Variants in IPMK observed in about 807,000 individuals in gnomAD.
IPMK encodes the protein inositol 1,3,4,6-tetrakisphosphate 5-kinase.
Under a neutral mutation model 45.8 loss-of-function variants are expected in IPMK, and 17 were observed. The observed-to-expected ratio is 0.37, with a 90% confidence interval of 0.25 to 0.56. The LOEUF is 0.56. IPMK is among the 20% of genes least tolerant of loss of function. IPMK has a pLI of 0.79. For missense variants in IPMK, 399 were observed against 498.0 expected, an observed-to-expected ratio of 0.80 and a Z score of 1.89; for synonymous variants, 180 against 184.3, an observed-to-expected ratio of 0.98 and a Z score of 0.19.
At chr10:58,248,078 T>A (rs991994110) in intron 1 of IPMK, among the ~76,000 whole-genome samples, 1 of 151,944 alleles carries the variant, frequency 6.6e-6, no homozygotes, top group Non-Finnish European at 1.5e-5. Context: ...TTGTGAAAAA[T>A]CGGGGAAAAG....
In IPMK at chr10:58,193,337, A is replaced by G. The variant is rs551043040; in HGVS notation, c.*2739T>C. 1 of 152,036 alleles carries G rather than the reference A, an allele frequency of 6.6e-6. No individual in the cohort carries two copies. Among genetic ancestry groups the G allele is most frequent in the South Asian group, 2.1e-4 (1 of 4,824 alleles). The allele number at this position is 152,036 out of a possible 1,614,324, so 9.4% of individuals were successfully genotyped here. ...CATAAGAGCAAACTGTAGTGTAAAGAGGAAAAGTAAGTACAATCTTTCCAG... is the reference window on the plus strand; with the variant it reads ...CATAAGAGCAAACTGTAGTGTAAAGGGGAAAAGTAAGTACAATCTTTCCAG... On this transcript the variant is annotated 3_prime_UTR_variant, in exon 6 of 6. Transcript: ENST00000373935.
intron 1 of IPMK, among the ~76,000 whole-genome samples, chr10:58,266,785 T>C (rs1839153992): frequency 6.6e-6 from 1 of 152,212 alleles, no homozygotes; most frequent in African/African-American, 2.4e-5. Flanking sequence ...TGTATCATTC[T>C]GGTACAATAT....
intron 1 of IPMK, among the ~76,000 whole-genome samples, chr10:58,254,764 T>C (rs1209873428): frequency 2.0e-5 from 3 of 152,254 alleles, no homozygotes; most frequent in Non-Finnish European, 4.4e-5. Context: ...GGATGACTTA[T>C]AGTAAGTACT....
rs1265770954 is a variant in IPMK at position 58,194,447 on chromosome 10, C to G, written c.*1629G>C. The G allele has an allele frequency of 6.6e-6, 1 of 151,674 alleles. No individual in the cohort carries two copies. Among genetic ancestry groups the G allele is most frequent in the Non-Finnish European group, 1.5e-5 (1 of 67,700 alleles). The allele number at this position is 151,674 out of a possible 1,614,324, so 9.4% of individuals were successfully genotyped here. On this transcript the variant is annotated 3_prime_UTR_variant, in exon 6 of 6. Coordinates refer to ENST00000373935, the MANE Select transcript of IPMK (RefSeq NM_152230.5). ...CCAATTCTAAATAAAAAATTAAAAT[C>G]AAATTTTGCTATTACAAAATGAACA...
At position 58,267,517 on chromosome 10, in the gene IPMK, G is replaced by T. The variant is rs771611638; in HGVS notation, c.95C>A (p.Thr32Asn). The part of the protein sequence containing the change: ...SPAIESTPEG[T>N]PQPAGGRLRF... ...GAGTCTGCCGCCCGCCGGCTGCGGG[G>T]TGCCCTCAGGGGTGGACTCGATCGC... Residue 32 changes from threonine to asparagine, a missense_variant, in exon 1 of 6, where the codon ACC becomes AAC. Thr to Asn is a moderately conservative substitution (Grantham distance 65). Transcript: ENST00000373935. 6.2e-7 allele frequency: 1 copy of T among 1,613,292 alleles called. No individual in the cohort carries two copies. The highest frequency in any genetic ancestry group is 1.7e-5 in the Admixed American group (1 of 59,988).
Position 58,193,685 on chromosome 10 carries a change from G to C in IPMK, c.*2391C>G, listed in dbSNP as rs990222197. On this transcript the variant is annotated 3_prime_UTR_variant, in exon 6 of 6. Coordinates refer to ENST00000373935, the MANE Select transcript of IPMK (RefSeq NM_152230.5). ...AAATCATTACTTATGTTTCATAGGG[G>C]AAAAAAAACTATGAGAATCCTATTA... 12 of 151,128 alleles carry C rather than the reference G, an allele frequency of 7.9e-5. No individual in the cohort carries two copies. The highest frequency in any genetic ancestry group is 2.7e-4 in the African/African-American group (11 of 41,208). The allele number at this position is 151,128 out of a possible 1,614,324, so 9.4% of individuals were successfully genotyped here. A position where few individuals can be genotyped will look rare whatever the true frequency, so the allele number is the denominator to read the frequency against.
intron 1 of IPMK, among the ~76,000 whole-genome samples, chr10:58,249,982 A>C (rs1343490901): frequency 6.6e-6 from 1 of 152,218 alleles, no homozygotes; most frequent in Non-Finnish European, 1.5e-5. Context: ...CTTTGCCAAA[A>C]ATCAGTTGGC....
chr10:58,219,008 G>A (rs79542121), intron 3 of IPMK, among the ~76,000 whole-genome samples: 2,696 of 152,188 alleles, frequency 0.018, 88 homozygotes, highest in African/African-American at 0.059. Context: ...AATATCATGG[G>A]TTTTATTTGA....
chr10:58,253,743 AAAAAAAAG>A (rs1336445676), intron 1 of IPMK, among the ~76,000 whole-genome samples: 21 of 136,918 alleles, frequency 1.5e-4, no homozygotes, highest in African/African-American at 6.3e-4. Context: ...CCAAAAAAAA[AAAAAAAAG>A]AAAAAAAAAG....
chr10:58,239,928 CG>C (rs1278650868), intron 1 of IPMK, among the ~76,000 whole-genome samples: 1 of 152,082 alleles, frequency 6.6e-6, no homozygotes, highest in Non-Finnish European at 1.5e-5. Flanking sequence ...ATGTACTGCA[CG>C]GGGGATCAAA....
intron 1 of IPMK, among the ~76,000 whole-genome samples, chr10:58,238,212 G>A (rs1390091527): frequency 6.6e-6 from 1 of 152,210 alleles, no homozygotes; most frequent in Non-Finnish European, 1.5e-5. Context: ...AAGAACATAT[G>A]TGTTAACAGT....
chr10:58,245,148 C>G (rs577606357), intron 1 of IPMK, among the ~76,000 whole-genome samples: 147 of 151,576 alleles, frequency 9.7e-4, no homozygotes, highest in Non-Finnish European at 1.7e-3. Flanking sequence ...AACTTAAAGA[C>G]ATTATGCTAA....
At chr10:58,202,054 G>T (rs1417012739) in intron 4 of IPMK, among the ~76,000 whole-genome samples, 2 of 152,188 alleles carry the variant, frequency 1.3e-5, no homozygotes, top group Non-Finnish European at 2.9e-5. Flanking sequence ...CCTAGCAGAA[G>T]TTTATGGAAA....
intron 3 of IPMK, among the ~76,000 whole-genome samples, chr10:58,221,767 G>A (rs1157761419): frequency 6.6e-6 from 1 of 150,896 alleles, no homozygotes; most frequent in East Asian, 1.9e-4. Context: ...TTTTATTTTT[G>A]AAACAGGGTC....
At chr10:58,228,866 C>T (rs1279728472) in intron 2 of IPMK, among the ~76,000 whole-genome samples, 1 of 151,984 alleles carries the variant, frequency 6.6e-6, no homozygotes, top group Admixed American at 6.6e-5. Context: ...CATAGCTGAG[C>T]TCTCAAGGAA....
At chr10:58,213,981 A>G (rs1476712102) in intron 4 of IPMK, among the ~76,000 whole-genome samples, 1 of 152,250 alleles carries the variant, frequency 6.6e-6, no homozygotes, top group Non-Finnish European at 1.5e-5. Flanking sequence ...GGAAATAGAA[A>G]TAACGAGTTT....
chr10:58,216,571 C>G lies in IPMK; in HGVS notation c.374-254G>C, dbSNP rs574854912. Among the ~76,000 whole-genome samples, 12 of 151,480 alleles carry G rather than the reference C, an allele frequency of 7.9e-5. No homozygotes were observed. The South Asian group carries it at 2.5e-3, about 32-fold the overall frequency. ...AACCACAAGCAAAAGACAGCAGATA[C>G]GAGGTTTCCAACAATATTAAAAAGG... On this transcript the variant is annotated intron_variant, in intron 3 of 5. Coordinates refer to ENST00000373935, the MANE Select transcript of IPMK (RefSeq NM_152230.5).
intron 1 of IPMK, among the ~76,000 whole-genome samples, chr10:58,241,074 G>C (rs1838690230): frequency 6.6e-6 from 1 of 152,082 alleles, no homozygotes; most frequent in Non-Finnish European, 1.5e-5. Context: ...CTCCAACACT[G>C]GGAGGGTGAA....
chr10:58,221,934 A>T (rs1838343319), intron 3 of IPMK, among the ~76,000 whole-genome samples: 1 of 152,070 alleles, frequency 6.6e-6, no homozygotes, highest in Non-Finnish European at 1.5e-5. Context: ...TTTTTAGTAG[A>T]GACAGGGTTT....
Sources: allele counts gnomAD v4.1 joint callset (sites outside exome capture counted in the v4.1 genomes callset), GRCh38; gene constraint gnomAD v4.1.1; transcripts MANE v1.5; gene names NCBI Gene and HGNC (gene_info 2026-07-23, HGNC 2026-07-21).